The following NCF2 variants were observed in gnomAD, a reference collection of about 807,000 sequenced individuals.
NCF2 encodes the protein neutrophil cytosol factor 2.
Under a neutral mutation model 70.9 loss-of-function variants are expected in NCF2, and 45 were observed. That is an observed-to-expected ratio of 0.63 (90% CI 0.50 to 0.81). The LOEUF (loss-of-function observed/expected upper bound fraction) is 0.81. Among genes scored for constraint, NCF2 ranks in the 40% least tolerant of loss-of-function variants. The probability of loss-of-function intolerance (pLI) is 0.00; values close to 1 mark genes in which losing one functional copy is unlikely to be tolerated. For synonymous variants in NCF2, 203 were observed against 233.6 expected (o/e 0.87, Z 1.19); for missense variants, 522 against 631.6 (o/e 0.83, Z 1.86).
chr1:183,582,057 C>A (rs927711951), intron 2 of NCF2, among the ~76,000 whole-genome samples: 1 of 152,260 alleles, frequency 6.6e-6, no homozygotes, highest in Non-Finnish European at 1.5e-5. Context: ...TTCGGCCTCT[C>A]CACTTGTTTA....
At position 183,567,297 on chromosome 1, in the gene NCF2, C is replaced by G; in HGVS notation, c.762G>C (p.Glu254Asp). 1 of 1,614,200 alleles carries G rather than the reference C, an allele frequency of 6.2e-7. No individual in the cohort carries two copies. Among genetic ancestry groups the G allele is most frequent in the Non-Finnish European group, 8.5e-7 (1 of 1,180,038 alleles). Residue 254 changes from glutamate (E) to aspartate (D), a missense_variant, in exon 8 of 15, where the codon GAG (glutamate) becomes GAC (aspartate). Transcript: ENST00000367535. ...GCATGACCTGGAGCTCTTCTTTTGT[C>G]TCAGGCACAAACCCAAATAGCACAC... ...AHRVLFGFVP[E>D]TKEELQVMPG... is the part of the protein sequence containing the mutation.
At chr1:183,565,486 G>A (rs1047174607) in intron 10 of NCF2, among the ~76,000 whole-genome samples, 18 of 152,198 alleles carry the variant, frequency 1.2e-4, no homozygotes, top group East Asian at 1.9e-4. Context: ...CCCAAGCCCC[G>A]TGAGTGTTCT....
At position 183,590,424 on chromosome 1, in the gene NCF2, C is replaced by T. The variant is rs184020650; in HGVS notation, c.-95G>A. The T allele has an allele frequency of 1.4e-6, 2 of 1,385,918 alleles. No homozygotes were observed. Among genetic ancestry groups the T allele is most frequent in the African/African-American group, 2.8e-5 (2 of 70,400 alleles). The allele number at this position is 1,385,918 out of a possible 1,614,324, so 85.9% of individuals were successfully genotyped here. A position where few individuals can be genotyped will look rare whatever the true frequency, so the allele number is the denominator to read the frequency against. On this transcript the variant is annotated 5_prime_UTR_variant, in exon 1 of 15. Transcript: ENST00000367535. The stretch of plus-strand genomic sequence containing the variant: ...CCTAGCAGGGCTGCCTTAGTGGCCC[C>T]CAAGGTGTTCACTTTCTGGGCCAGA...
At position 183,569,370 on chromosome 1, in the gene NCF2, A is replaced by G. The variant is rs1288586976; in HGVS notation, c.670-185T>C. On this transcript the variant is annotated intron_variant, in intron 6 of 14. Coordinates refer to ENST00000367535, the MANE Select transcript of NCF2 (RefSeq NM_000433.4). ...CACCCTGACTAAACACTGGGAAATA[A>G]CACCTCCCACCAGCTCCCCAGGTAC... The G allele has an allele frequency of 1.2e-5, 8 of 655,212 alleles. No individual in the cohort carries two copies. In the East Asian group the frequency reaches 1.9e-4, roughly 16 times the overall value. The allele number at this position is 655,212 out of a possible 1,614,324, so 40.6% of individuals were successfully genotyped here. A position where few individuals can be genotyped will look rare whatever the true frequency, so the allele number is the denominator to read the frequency against.
chr1:183,576,516 C>T (rs1057189162), intron 3 of NCF2, among the ~76,000 whole-genome samples: 4 of 152,170 alleles, frequency 2.6e-5, no homozygotes, highest in African/African-American at 9.7e-5. Context: ...TCAAAGTTCC[C>T]ACGATGCGCA....
At position 183,565,798 on chromosome 1, in the gene NCF2, G is replaced by T; in HGVS notation, c.925-19C>A. 19 of 1,613,084 alleles carry T rather than the reference G, an allele frequency of 1.2e-5. No individual in the cohort carries two copies. Among genetic ancestry groups the T allele is most frequent in the Non-Finnish European group, 1.5e-5 (18 of 1,179,252 alleles). ...TTTCCTCCTGAAGGCAACAGGGAGC[G>T]ACGGTCAGAACCTTCATTCAAAGTT... On this transcript the variant is annotated intron_variant, in intron 9 of 14. Transcript: ENST00000367535.
chr1:183,594,969 T>C (rs1326803105), upstream of NCF2, among the ~76,000 whole-genome samples: 1 of 152,242 alleles, frequency 6.6e-6, no homozygotes, highest in Non-Finnish European at 1.5e-5. Context: ...AACTCTCCAC[T>C]GTCCTTCAGT....
At chr1:183,577,933 C>T (rs1672874335) in intron 2 of NCF2, among the ~76,000 whole-genome samples, 1 of 152,212 alleles carries the variant, frequency 6.6e-6, no homozygotes, top group African/African-American at 2.4e-5. Context: ...ACCCTGAGTG[C>T]CTCGTCTTGG....
intron 14 of NCF2, among the ~76,000 whole-genome samples, chr1:183,556,889 A>G (rs991213881): frequency 6.6e-6 from 1 of 152,174 alleles, no homozygotes; most frequent in Non-Finnish European, 1.5e-5. Context: ...TGTTTTGACT[A>G]CAGAAAAGGG....
intron 13 of NCF2, 21 bp from the exon 14 acceptor site, chr1:183,560,294 T>C: frequency 1.2e-6 from 2 of 1,614,090 alleles, no homozygotes; most frequent in East Asian, 4.5e-5. Context: ...AAAGGGCCTG[T>C]TAATTTTCCC....
At chr1:183,586,296 T>C (rs752728286) in intron 2 of NCF2, among the ~76,000 whole-genome samples, 1 of 152,210 alleles carries the variant, frequency 6.6e-6, no homozygotes, top group African/African-American at 2.4e-5. Flanking sequence ...ATCGAGCCCT[T>C]GCACTCCAGC....
chr1:183,572,586 C>CA (rs1672618098), intron 5 of NCF2, among the ~76,000 whole-genome samples: 1 of 152,168 alleles, frequency 6.6e-6, no homozygotes, highest in Admixed American at 6.5e-5. Context: ...CTACAAGGAG[C>CA]ATTAATCCAA....
chr1:183,563,369 T>A, intron 12 of NCF2, 63 bp from the exon 13 acceptor site: 1 of 1,613,772 alleles, frequency 6.2e-7, no homozygotes, highest in Non-Finnish European at 8.5e-7. Context: ...CATCCTCCTC[T>A]TCCCTCCTCC....
chr1:183,589,141 G>A (rs1673518864), intron 1 of NCF2, among the ~76,000 whole-genome samples: 1 of 152,324 alleles, frequency 6.6e-6, no homozygotes, highest in South Asian at 2.1e-4. Flanking sequence ...CTGTCTTCCT[G>A]TCAGGAGGGT....
chr1:183,587,051 G>C, intron 1 of NCF2, 74 bp from the exon 2 acceptor site: 1 of 1,377,336 alleles, frequency 7.3e-7, no homozygotes, highest in South Asian at 1.2e-5. Context: ...ACGGCTCACA[G>C]AGCCCTAGCT....
intron 5 of NCF2, 45 bp from the exon 6 acceptor site, chr1:183,570,884 T>C (rs1234959414): frequency 6.3e-7 from 1 of 1,597,436 alleles, no homozygotes; most frequent in Non-Finnish European, 8.6e-7. Flanking sequence ...CAGCACTGTT[T>C]CCATTCTTCT....
chr1:183,559,994 T>A, intron 14 of NCF2, 102 bp downstream of exon 14: 6 of 1,345,308 alleles, frequency 4.5e-6, no homozygotes, highest in Non-Finnish European at 6.3e-6. Context: ...AAACACTGGC[T>A]AAAGTTTTGT....
In NCF2 at chr1:183,573,361, C is replaced by T. The variant is rs1672657313; in HGVS notation, c.502-69G>A. Reference sequence around the variant, plus strand: ...GTGACGATGCTTGTCCTGCCTCCCTCAGTGAATAGATGCAAGAATTCATTG... The same window carrying T: ...GTGACGATGCTTGTCCTGCCTCCCTTAGTGAATAGATGCAAGAATTCATTG... On this transcript the variant is annotated intron_variant, in intron 4 of 14. Coordinates refer to ENST00000367535, the MANE Select transcript of NCF2 (RefSeq NM_000433.4). 2.2e-6 allele frequency: 3 copies of T among 1,341,320 alleles called. No homozygotes were observed. In the Admixed American group the frequency reaches 5.0e-5, roughly 23 times the overall value. 83.1% of individuals were successfully genotyped at this position (1,341,320 alleles called of 1,614,324 possible).
rs757305871 is a variant in NCF2 at position 183,564,011 on chromosome 1, CTCT to C, written c.1017_1019del (p.Glu340del). 2.5e-6 allele frequency: 4 copies of C among 1,610,704 alleles called. No homozygotes were observed. Among genetic ancestry groups the C allele is most frequent in the African/African-American group, 1.3e-5 (1 of 74,880 alleles). ...TATGAGGGAAAAATGTTACCTTAGG[CTCT>C]TCTTTTTGTTTCTGGCCTGAATGGA... On this transcript the variant is annotated inframe_deletion, in exon 11 of 15. Transcript: ENST00000367535.
Sources: allele counts gnomAD v4.1 joint callset (sites outside exome capture counted in the v4.1 genomes callset), GRCh38; gene constraint gnomAD v4.1.1; transcripts MANE v1.5; gene names NCBI Gene and HGNC (gene_info 2026-07-23, HGNC 2026-07-21).